Variants in FLOT2 observed in about 807,000 individuals in gnomAD.
FLOT2 encodes the protein flotillin 2, also known as flotillin-2.
A neutral mutation model predicts 54.9 loss-of-function variants in FLOT2; 35 were observed. The observed-to-expected ratio is 0.64, with a 90% CI of 0.49 to 0.84. The LOEUF (loss-of-function observed/expected upper bound fraction) is 0.84. FLOT2 is among the 40% of genes least tolerant of loss of function. The probability of loss-of-function intolerance (pLI) is 0.00; values close to 1 mark genes in which losing one functional copy is unlikely to be tolerated. For missense variants in FLOT2, 464 were observed against 572.1 expected, an observed-to-expected ratio of 0.81 and a Z score of 1.93; for synonymous variants, 207 against 228.9, an observed-to-expected ratio of 0.90 and a Z score of 0.86.
At chr17:28,889,830 G>T (rs1404003864) in intron 1 of FLOT2, among the ~76,000 whole-genome samples, 1 of 151,906 alleles carries the variant, frequency 6.6e-6, no homozygotes, top group Non-Finnish European at 1.5e-5. Context: ...AGTAGAGACG[G>T]GGTTTCACCA....
In FLOT2 at chr17:28,881,332, G is replaced by C; in HGVS notation, c.958C>G (p.Arg320Gly). 6.2e-7 allele frequency: 1 copy of C among 1,613,576 alleles called. No homozygotes were observed. The highest frequency in any genetic ancestry group is 8.5e-7 in the Non-Finnish European group (1 of 1,180,002). Residue 320 changes from arginine to glycine, a missense_variant, in exon 9 of 11, where the codon CGC becomes GGC. Arg to Gly is a moderately radical substitution (Grantham distance 125). Transcript: ENST00000394908. Reference sequence around the variant, plus strand: ...GCCGCTTCCGCCTCCCCGATTTTGCGGATCTTCTCAGCCTCTGCCTGTGCC... The same window carrying C: ...GCCGCTTCCGCCTCCCCGATTTTGCCGATCTTCTCAGCCTCTGCCTGTGCC... The part of the protein sequence containing the change: ...LLAQAEAEKI[R>G]KIGEAEAAVI...
chr17:28,885,655 A>G (rs995526518), intron 2 of FLOT2: 2 of 717,504 alleles, frequency 2.8e-6, no homozygotes, highest in Non-Finnish European at 5.2e-6. Context: ...CTGTTTCCCC[A>G]CTTGCAGTCC....
At chr17:28,889,244 G>A (rs1386901925) in intron 1 of FLOT2, among the ~76,000 whole-genome samples, 1 of 152,176 alleles carries the variant, frequency 6.6e-6, no homozygotes, top group African/African-American at 2.4e-5. Context: ...TACATAAAGA[G>A]AAGGATAGCC....
intron 2 of FLOT2, chr17:28,885,969 G>C (rs2152647833): frequency 2.7e-6 from 4 of 1,457,794 alleles, no homozygotes; most frequent in Non-Finnish European, 3.8e-6. Context: ...CCAGGGGGTG[G>C]GGAGAGGTAG....
chr17:28,888,926 A>C lies in FLOT2; in HGVS notation c.131+19T>G. The C allele has an allele frequency of 6.2e-7, 1 of 1,607,586 alleles. No individual in the cohort carries two copies. The highest frequency in any genetic ancestry group is 1.3e-5 in the African/African-American group (1 of 74,886). ...CCTGGCCCACTCCATGACAGGTCCT[A>C]GAGCCCCCAGGTGCTTACCTCTGAG... On this transcript the variant is annotated intron_variant, in intron 2 of 10. Coordinates refer to ENST00000394908, the MANE Select transcript of FLOT2 (RefSeq NM_004475.3).
chr17:28,884,358 G>T lies in FLOT2; in HGVS notation c.132-43C>A. On this transcript the variant is annotated intron_variant, in intron 2 of 10. Transcript: ENST00000394908. The surrounding 1 kb of genome is among the most constrained non-coding windows in gnomAD (Gnocchi z 5.1). ...ACAGGGGCATGGGTCTGGGGGCGCAGGGCCTGGTGGTGTTGGGAAAGAGGC... is the reference window on the plus strand; with the variant it reads ...ACAGGGGCATGGGTCTGGGGGCGCATGGCCTGGTGGTGTTGGGAAAGAGGC... 1 of 1,341,508 alleles carries T rather than the reference G, an allele frequency of 7.5e-7. No homozygotes were observed. Among genetic ancestry groups the T allele is most frequent in the Non-Finnish European group, 1.1e-6 (1 of 950,642 alleles). 83.1% of individuals were successfully genotyped at this position (1,341,508 alleles called of 1,614,324 possible).
rs2039761631 is a variant in FLOT2 at position 28,897,428 on chromosome 17, G to T, written c.49+98C>A. The T allele has an allele frequency of 1.7e-6, 2 of 1,203,122 alleles. No homozygotes were observed. The highest frequency in any genetic ancestry group is 2.3e-6 in the Non-Finnish European group (2 of 862,698). The allele number at this position is 1,203,122 out of a possible 1,614,324, so 74.5% of individuals were successfully genotyped here. On this transcript the variant is annotated intron_variant, in intron 1 of 10. Transcript: ENST00000394908. This position sits in a 1 kb window ranked among gnomAD's most constrained non-coding sequence, Gnocchi z 4.4. ...CCCGGGGGCCAGCGCCCTGCGCCGCGCGGTGGACTCAGGCCCAGCTCTTCC... is the reference window on the plus strand; with the variant it reads ...CCCGGGGGCCAGCGCCCTGCGCCGCTCGGTGGACTCAGGCCCAGCTCTTCC...
chr17:28,891,045 TA>T lies in FLOT2; in HGVS notation c.50-2020del, dbSNP rs557301489. Among the ~76,000 whole-genome samples the T allele has an allele frequency of 2.5e-4, 38 of 152,150 alleles. No individual in the cohort carries two copies. In the South Asian group the frequency reaches 7.7e-3, roughly 31 times the overall value. ...GCAGGTGTGTGCCCCCATGCCCAGC[TA>T]ATTTTTGTATTTTTTGTGGAGACAA... On this transcript the variant is annotated intron_variant, in intron 1 of 10. Coordinates refer to ENST00000394908, the MANE Select transcript of FLOT2 (RefSeq NM_004475.3).
Position 28,881,807 on chromosome 17 carries a change from C to T in FLOT2, c.914+7G>A. 6.2e-7 allele frequency: 1 copy of T among 1,612,406 alleles called. No individual in the cohort carries two copies. The highest frequency in any genetic ancestry group is 8.5e-7 in the Non-Finnish European group (1 of 1,179,884). Reference sequence around the variant, plus strand: ...AGCCCTGACCCCGGCACCTGGGCGGCTCTCACTTTTCACCCTCGGCAATCT... The same window carrying T: ...AGCCCTGACCCCGGCACCTGGGCGGTTCTCACTTTTCACCCTCGGCAATCT... On this transcript the variant is annotated splice_region_variant and intron_variant, in intron 8 of 10. Coordinates refer to ENST00000394908, the MANE Select transcript of FLOT2 (RefSeq NM_004475.3).
At chr17:28,893,639 C>T (rs767579825) in intron 1 of FLOT2, among the ~76,000 whole-genome samples, 4 of 152,136 alleles carry the variant, frequency 2.6e-5, no homozygotes, top group Admixed American at 2.0e-4. Context: ...TACTCAGTAC[C>T]TGTTTTAAGA....
At chr17:28,886,834 C>G (rs1268426105) in intron 2 of FLOT2, among the ~76,000 whole-genome samples, 1 of 152,178 alleles carries the variant, frequency 6.6e-6, no homozygotes, top group African/African-American at 2.4e-5. Flanking sequence ...GCCCCCATCT[C>G]AATCCCAGGA....
In FLOT2 at chr17:28,881,929, G is replaced by C. The variant is rs1283701013; in HGVS notation, c.799C>G (p.Gln267Glu). 1.2e-6 allele frequency: 2 copies of C among 1,614,066 alleles called. No homozygotes were observed. Among genetic ancestry groups the C allele is most frequent in the East Asian group, 2.2e-5 (1 of 44,884 alleles). ...IEIEVVQRKK[Q>E]IAVEAQEILR... ...ATCTCCTGTGCCTCCACGGCAATCT[G>C]TTTCTTGCGCTGCACAACCTCAATC... Residue 267 changes from glutamine (Q) to glutamate (E), a missense_variant, in exon 8 of 11, where the codon CAG becomes GAG. Transcript: ENST00000394908.
Position 28,897,536 on chromosome 17 carries a change from C to A in FLOT2, c.39G>T (p.Leu13=). 1 of 1,606,504 alleles carries A rather than the reference C, an allele frequency of 6.2e-7. No individual in the cohort carries two copies. Among genetic ancestry groups the A allele is most frequent in the African/African-American group, 1.3e-5 (1 of 74,458 alleles). Residue 13 remains leucine (L), a synonymous_variant, in exon 1 of 11, where the codon CTG becomes CTT. Coordinates refer to ENST00000394908, the MANE Select transcript of FLOT2 (RefSeq NM_004475.3). This position sits in a 1 kb window ranked among gnomAD's most constrained non-coding sequence, Gnocchi z 4.4. The part of the protein sequence containing the change: ...NCHTVGPNEA[L]VVSGGCCGSD... ...TCGCCGCCCCCTCACCTGAAACCAC[C>A]AGCGCCTCGTTGGGCCCCACCGTGT...
chr17:28,888,219 C>A (rs976640624), intron 2 of FLOT2, among the ~76,000 whole-genome samples: 1 of 152,232 alleles, frequency 6.6e-6, no homozygotes, highest in Non-Finnish European at 1.5e-5. Flanking sequence ...AGGTAGCTGG[C>A]GTGCCTCATC....
At chr17:28,885,840 A>G in intron 2 of FLOT2, 4 of 1,494,718 alleles carry the variant, frequency 2.7e-6, no homozygotes, top group Non-Finnish European at 3.6e-6. Context: ...CGGAGGAGGA[A>G]GCAGGTGGGT....
Position 28,883,004 on chromosome 17 carries a change from A to G in FLOT2, c.346+104T>C. The G allele has an allele frequency of 8.2e-7, 1 of 1,222,412 alleles. No individual in the cohort carries two copies. The highest frequency in any genetic ancestry group is 1.2e-6 in the Non-Finnish European group (1 of 864,012). The allele number at this position is 1,222,412 out of a possible 1,614,324, so 75.7% of individuals were successfully genotyped here. A position where few individuals can be genotyped will look rare whatever the true frequency, so the allele number is the denominator to read the frequency against. On this transcript the variant is annotated intron_variant, in intron 4 of 10. Coordinates refer to ENST00000394908, the MANE Select transcript of FLOT2 (RefSeq NM_004475.3). The surrounding 1 kb of genome is among the most constrained non-coding windows in gnomAD (Gnocchi z 5.0). ...TTAAATATTTGAGGAAAAGTGTTTTAGCTTGAAACTCCTGTGAAACAGGCC... is the reference window on the plus strand; with the variant it reads ...TTAAATATTTGAGGAAAAGTGTTTTGGCTTGAAACTCCTGTGAAACAGGCC...
chr17:28,880,519 G>A lies in FLOT2; in HGVS notation c.*42C>T. The A allele has an allele frequency of 1.2e-6, 2 of 1,604,814 alleles. No homozygotes were observed. The highest frequency in any genetic ancestry group is 1.7e-6 in the Non-Finnish European group (2 of 1,175,604). On this transcript the variant is annotated 3_prime_UTR_variant, in exon 11 of 11. Coordinates refer to ENST00000394908, the MANE Select transcript of FLOT2 (RefSeq NM_004475.3). ...GTGGGATTAAAACGGGTGCTGGAGG[G>A]AGGGCCGGGTGGCTGCTGAAGAGAG...
At chr17:28,888,289 C>G (rs1274779923) in intron 2 of FLOT2, among the ~76,000 whole-genome samples, 1 of 152,230 alleles carries the variant, frequency 6.6e-6, no homozygotes, top group African/African-American at 2.4e-5. Flanking sequence ...CTAGGCTCTG[C>G]AGGCAGCGGC....
At chr17:28,890,025 C>T (rs1306551163) in intron 1 of FLOT2, among the ~76,000 whole-genome samples, 1 of 152,088 alleles carries the variant, frequency 6.6e-6, no homozygotes, top group African/African-American at 2.4e-5. Flanking sequence ...AGAGAGGGAA[C>T]GCAGACAGGG....
Sources: allele counts gnomAD v4.1 joint callset (sites outside exome capture counted in the v4.1 genomes callset), GRCh38; gene constraint gnomAD v4.1.1; non-coding constraint Gnocchi (gnomAD v3.1); transcripts MANE v1.5; gene names NCBI Gene and HGNC (gene_info 2026-07-23, HGNC 2026-07-21).